Variants in FNDC3B observed in about 807,000 individuals in gnomAD.
FNDC3B encodes fibronectin type III domain containing 3B.
In FNDC3B, 12 loss-of-function variants were observed where a neutral mutation model predicts 151.5. The observed-to-expected ratio is 0.08, with a 90% CI of 0.05 to 0.13. FNDC3B has a LOEUF of 0.13. Among genes scored for constraint, FNDC3B ranks in the 10% least tolerant of loss-of-function variants. The pLI, the probability that FNDC3B is intolerant of heterozygous loss-of-function variation, is 1.00. For missense variants in FNDC3B, 1,214 were observed against 1,505.3 expected, an observed-to-expected ratio of 0.81 and a Z score of 3.20; for synonymous variants, 528 against 549.0, an observed-to-expected ratio of 0.96 and a Z score of 0.54.
At chr3:172,246,325 C>G (rs1352284926) in intron 4 of FNDC3B, among the ~76,000 whole-genome samples, 2 of 152,192 alleles carry the variant, frequency 1.3e-5, no homozygotes, top group Admixed American at 1.3e-4. Context: ...CTTGCAGGGC[C>G]CTGACCTAGA....
chr3:172,343,697 G>A (rs748719085), intron 18 of FNDC3B, among the ~76,000 whole-genome samples: 22 of 152,152 alleles, frequency 1.4e-4, no homozygotes, highest in Non-Finnish European at 2.5e-4. Context: ...TATGTCTAAA[G>A]TATAATAAAT....
chr3:172,153,141 C>T (rs530978751), intron 3 of FNDC3B, among the ~76,000 whole-genome samples: 19 of 152,170 alleles, frequency 1.2e-4, no homozygotes, highest in Admixed American at 7.2e-4. Context: ...CAGAAAGCCA[C>T]GATGAAGTTT....
intron 23 of FNDC3B, among the ~76,000 whole-genome samples, chr3:172,370,148 G>T (rs1419526813): frequency 6.6e-6 from 1 of 152,106 alleles, no homozygotes; most frequent in African/African-American, 2.4e-5. Context: ...TTGGCCTAGG[G>T]ATTATAAGAT....
intron 3 of FNDC3B, among the ~76,000 whole-genome samples, chr3:172,147,280 C>T (rs1382018542): frequency 6.8e-6 from 1 of 148,106 alleles, no homozygotes; most frequent in Non-Finnish European, 1.5e-5. Context: ...GTACTCGAGC[C>T]TGGCGACAGA....
intron 3 of FNDC3B, among the ~76,000 whole-genome samples, chr3:172,216,402 C>CT (rs1725977968): frequency 6.6e-6 from 1 of 152,110 alleles, no homozygotes; most frequent in African/African-American, 2.4e-5. Context: ...CACAGTAACT[C>CT]GCACCTGTAA....
In FNDC3B at chr3:172,290,737, C is replaced by T. The variant is rs532124267; in HGVS notation, c.850-4626C>T. 2.6e-5 allele frequency among the ~76,000 whole-genome samples: 4 copies of T among 152,326 alleles called. No individual in the cohort carries two copies. The East Asian group carries it at 7.7e-4, about 29-fold the overall frequency. ...AGTGCATCTGGGAGCAGATAGGCGG[C>T]TCTTAGCACTTCAGGAATCATAAAA... On this transcript the variant is annotated intron_variant, in intron 7 of 25. Coordinates refer to ENST00000415807, the MANE Select transcript of FNDC3B (RefSeq NM_022763.4).
At chr3:172,382,844 A>G (rs1272196027) in intron 25 of FNDC3B, among the ~76,000 whole-genome samples, 1 of 152,196 alleles carries the variant, frequency 6.6e-6, no homozygotes, top group Non-Finnish European at 1.5e-5. Flanking sequence ...TTTTGGTACC[A>G]GTACTATGCT....
intron 16 of FNDC3B, among the ~76,000 whole-genome samples, chr3:172,340,734 G>A (rs1733264254): frequency 6.6e-6 from 1 of 152,186 alleles, no homozygotes; most frequent in African/African-American, 2.4e-5. Flanking sequence ...TGGCCAAGAA[G>A]TAGCCCCGTG....
intron 7 of FNDC3B, among the ~76,000 whole-genome samples, chr3:172,294,740 G>C (rs1400670803): frequency 6.6e-6 from 1 of 152,210 alleles, no homozygotes; most frequent in African/African-American, 2.4e-5. Context: ...ATGCCTCAGA[G>C]TAGTATTTTA....
intron 25 of FNDC3B, among the ~76,000 whole-genome samples, chr3:172,392,066 A>C (rs1034057996): frequency 6.6e-6 from 1 of 152,196 alleles, no homozygotes; most frequent in Non-Finnish European, 1.5e-5. Context: ...CTTGTGGTGT[A>C]GTCTGAACTC....
intron 6 of FNDC3B, among the ~76,000 whole-genome samples, chr3:172,278,795 C>T (rs1402152302): frequency 3.3e-5 from 5 of 152,004 alleles, no homozygotes; most frequent in African/African-American, 7.3e-5. Context: ...GGCATAGTGG[C>T]GCACACTCGT....
intron 12 of FNDC3B, 42 bp from the exon 13 acceptor site, chr3:172,330,499 T>C: frequency 6.4e-7 from 1 of 1,553,394 alleles, no homozygotes; most frequent in Non-Finnish European, 8.8e-7. Context: ...CCAAGCCTCT[T>C]CACATGCTTC....
chr3:172,108,247 T>C (rs1321339510), intron 1 of FNDC3B, among the ~76,000 whole-genome samples: 1 of 152,116 alleles, frequency 6.6e-6, no homozygotes, highest in Non-Finnish European at 1.5e-5. Flanking sequence ...AGTAACATCC[T>C]CATCCATCAC....
At chr3:172,259,778 T>G (rs1159564372) in intron 6 of FNDC3B, among the ~76,000 whole-genome samples, 20 of 152,232 alleles carry the variant, frequency 1.3e-4, no homozygotes, top group Admixed American at 1.3e-3. Context: ...CCTCGTATTT[T>G]TGTTGCAATC....
chr3:172,040,899 G>A lies in FNDC3B; in HGVS notation c.-29+1128G>A, dbSNP rs58908502. Among the ~76,000 whole-genome samples the A allele has an allele frequency of 0.025, 3,839 of 152,278 alleles. 159 individuals are homozygous for A. Among genetic ancestry groups the A allele is most frequent in the African/African-American group, 0.089 (3,679 of 41,566 alleles). ...AGACTGGGCTGCGCCGCCCGGCGGC[G>A]CCTTTGGCGGGGAGGCTTCCAGGAG... On this transcript the variant is annotated intron_variant, in intron 1 of 25. Coordinates refer to ENST00000415807, the MANE Select transcript of FNDC3B (RefSeq NM_022763.4). The surrounding 1 kb of genome is among the most constrained non-coding windows in gnomAD (Gnocchi z 6.6).
chr3:172,337,313 A>G lies in FNDC3B; in HGVS notation c.1781-17A>G, dbSNP rs769051862. The G allele has an allele frequency of 1.3e-6, 2 of 1,555,664 alleles. No homozygotes were observed. Among genetic ancestry groups the G allele is most frequent in the Non-Finnish European group, 8.8e-7 (1 of 1,130,360 alleles). On this transcript the variant is annotated splice_polypyrimidine_tract_variant and intron_variant, in intron 15 of 25. Transcript: ENST00000415807. ...AATATCCTTTTATTGCTAATAAGAC[A>G]TTTGGTTATTTTCCAGATCCCCCTA...
At chr3:172,381,291 C>G (rs1187288243) in intron 25 of FNDC3B, among the ~76,000 whole-genome samples, 198 bp downstream of exon 25, 1 of 152,158 alleles carries the variant, frequency 6.6e-6, no homozygotes, top group Non-Finnish European at 1.5e-5. Flanking sequence ...TGGTATTCAT[C>G]TTCAATTTTC....
intron 23 of FNDC3B, among the ~76,000 whole-genome samples, chr3:172,375,132 A>T (rs1735070420): frequency 6.6e-6 from 1 of 152,050 alleles, no homozygotes; most frequent in African/African-American, 2.4e-5. Flanking sequence ...CTTTAAAGTG[A>T]GGAAGGTGTC....
chr3:172,323,721 G>C (rs1732204697), intron 11 of FNDC3B, among the ~76,000 whole-genome samples: 1 of 151,890 alleles, frequency 6.6e-6, no homozygotes, highest in Non-Finnish European at 1.5e-5. Flanking sequence ...TCTGTGTTTG[G>C]GGCCTTTCAT....
Sources: gnomAD v4.1 joint callset for allele counts (sites outside exome capture counted in the v4.1 genomes callset) on GRCh38, gnomAD v4.1.1 for gene constraint, Gnocchi (gnomAD v3.1) non-coding constraint, MANE v1.5 for transcripts, NCBI Gene and HGNC (gene_info 2026-07-23, HGNC 2026-07-21) for gene names.